Variants in MAGI2 observed in about 807,000 individuals in gnomAD.
MAGI2 encodes membrane-associated guanylate kinase, WW and PDZ domain-containing protein 2.
Under a neutral mutation model 133.3 loss-of-function variants are expected in MAGI2, and 35 were observed. That is an observed-to-expected ratio of 0.26 (90% confidence interval 0.20 to 0.35). The LOEUF (loss-of-function observed/expected upper bound fraction) is 0.35. Among genes scored for constraint, MAGI2 ranks in the 10% least tolerant of loss-of-function variants. MAGI2 has a pLI of 1.00. For missense variants in MAGI2, 1,636 were observed against 1,863.4 expected, an observed-to-expected ratio of 0.88 and a Z score of 2.25; for synonymous variants, 729 against 710.6, an observed-to-expected ratio of 1.03 and a Z score of -0.41.
At chr7:78,095,503 C>A (rs1465786537) in intron 20 of MAGI2, among the ~76,000 whole-genome samples, 2 of 152,190 alleles carry the variant, frequency 1.3e-5, no homozygotes, top group East Asian at 1.9e-4. Flanking sequence ...TTTCTCAGTT[C>A]TTTTCTGCGA....
At chr7:79,326,334 C>T (rs1430140235) in intron 1 of MAGI2, among the ~76,000 whole-genome samples, 6 of 152,026 alleles carry the variant, frequency 3.9e-5, no homozygotes, top group Admixed American at 6.6e-5. Context: ...ATAAACCTGG[C>T]TTAAGAAAAA....
intron 4 of MAGI2, among the ~76,000 whole-genome samples, chr7:78,502,851 A>C (rs1263235022): frequency 6.6e-6 from 1 of 152,208 alleles, no homozygotes; most frequent in Non-Finnish European, 1.5e-5. Context: ...GAAGGAACGC[A>C]CAAGGAAGAA....
At chr7:78,769,953 G>GA (rs1282236760) in intron 2 of MAGI2, among the ~76,000 whole-genome samples, 1 of 152,196 alleles carries the variant, frequency 6.6e-6, no homozygotes, top group East Asian at 1.9e-4. Context: ...AAGAGGAAGA[G>GA]AAAAAAGCAT....
rs147448658 is a variant in MAGI2 at position 78,244,327 on chromosome 7, T to C, written c.2047+11616A>G. Reference sequence around the variant, plus strand: ...AAAAGAGACAATTTGTAGGATAACATGCATTGTAAAAACTGAGCCCTGGCA... The same window carrying C: ...AAAAGAGACAATTTGTAGGATAACACGCATTGTAAAAACTGAGCCCTGGCA... On this transcript the variant is annotated intron_variant, in intron 10 of 21. Coordinates refer to ENST00000354212, the MANE Select transcript of MAGI2 (RefSeq NM_012301.4). 2.2e-3 allele frequency among the ~76,000 whole-genome samples: 341 copies of C among 152,096 alleles called. 1 individual carries two copies. Among genetic ancestry groups the C allele is most frequent in the African/African-American group, 7.7e-3 (321 of 41,524 alleles).
At chr7:78,198,183 C>A (rs1292312309) in intron 11 of MAGI2, among the ~76,000 whole-genome samples, 1 of 152,168 alleles carries the variant, frequency 6.6e-6, no homozygotes, top group African/African-American at 2.4e-5. Flanking sequence ...TTGGGCCCCT[C>A]TTGTCCAGTC....
At position 78,330,615 on chromosome 7, in the gene MAGI2, CAAAAAAAAAAAAAAAA is replaced by C. The variant is rs4024122; in HGVS notation, c.1408+13147_1408+13162del. 5.8e-4 allele frequency among the ~76,000 whole-genome samples: 4 copies of C among 6,940 alleles called. 1 individual carries two copies. The highest frequency in any genetic ancestry group is 7.7e-4 in the Non-Finnish European group (3 of 3,914). The allele number at this position is 6,940 out of a possible 152,430, so 4.6% of individuals were successfully genotyped here. On this transcript the variant is annotated intron_variant, in intron 9 of 21. Coordinates refer to ENST00000354212, the MANE Select transcript of MAGI2 (RefSeq NM_012301.4). ...CCTGGGCGACAGCGAGACTCCGTCT[CAAAAAAAAAAAAAAAA>C]AAAAAAAAAAAAAGAAAGATTCCTT...
intron 3 of MAGI2, among the ~76,000 whole-genome samples, chr7:78,525,334 C>T (rs1320726391): frequency 6.6e-6 from 1 of 152,012 alleles, no homozygotes; most frequent in Non-Finnish European, 1.5e-5. Flanking sequence ...TATCTCATTG[C>T]ATAAGAACCA....
chr7:78,649,134 G>A (rs1424925643), intron 2 of MAGI2, among the ~76,000 whole-genome samples: 1 of 146,100 alleles, frequency 6.8e-6, no homozygotes, highest in Non-Finnish European at 1.5e-5. Context: ...TTGGGTAGTG[G>A]CACTTTTTTA....
chr7:79,341,112 G>A (rs898852580), intron 1 of MAGI2, among the ~76,000 whole-genome samples: 5 of 152,126 alleles, frequency 3.3e-5, no homozygotes, highest in Admixed American at 2.0e-4. Flanking sequence ...AGGTAAATTT[G>A]AGCACATAGC....
chr7:78,367,100 A>AAC (rs6150177), intron 7 of MAGI2, among the ~76,000 whole-genome samples: 4,267 of 146,860 alleles, frequency 0.029, 140 homozygotes, highest in African/African-American at 0.08. Flanking sequence ...AATGTAGGCA[A>AAC]ACACACACAC....
intron 1 of MAGI2, among the ~76,000 whole-genome samples, chr7:79,035,874 A>T (rs961225890): frequency 6.6e-6 from 1 of 152,252 alleles, no homozygotes; most frequent in African/African-American, 2.4e-5. Context: ...TATACTTTTC[A>T]TTAATTTTGG....
intron 1 of MAGI2, among the ~76,000 whole-genome samples, chr7:79,323,523 T>C (rs115833973): frequency 0.013 from 1,970 of 151,956 alleles, 43 homozygotes; most frequent in African/African-American, 0.045. Flanking sequence ...AGACCAGTTG[T>C]GGATTGTGAG....
At chr7:78,045,266 G>T (rs548560871) in intron 21 of MAGI2, among the ~76,000 whole-genome samples, 1 of 142,408 alleles carries the variant, frequency 7.0e-6, no homozygotes, top group South Asian at 2.2e-4. Flanking sequence ...TATATAGGAG[G>T]ACAGCAACAG....
At chr7:78,769,866 A>AT (rs1257885407) in intron 2 of MAGI2, among the ~76,000 whole-genome samples, 5 of 152,142 alleles carry the variant, frequency 3.3e-5, no homozygotes, top group African/African-American at 1.2e-4. Flanking sequence ...ACTGCATCCT[A>AT]TTCAGAACTA....
intron 9 of MAGI2, among the ~76,000 whole-genome samples, chr7:78,300,959 T>C (rs2151072377): frequency 6.6e-6 from 1 of 152,320 alleles, no homozygotes; most frequent in Non-Finnish European, 1.5e-5. Flanking sequence ...AGTCTGGCAC[T>C]GTACTAAGCA....
chr7:78,610,937 T>A (rs562716329), intron 3 of MAGI2, among the ~76,000 whole-genome samples: 1 of 152,354 alleles, frequency 6.6e-6, no homozygotes, highest in South Asian at 2.1e-4. Flanking sequence ...ACAGACTATG[T>A]GTCAAAGAAG....
intron 2 of MAGI2, among the ~76,000 whole-genome samples, chr7:78,935,122 T>G (rs1423813372): frequency 2.0e-5 from 3 of 152,148 alleles, no homozygotes. Context: ...TTGGGTTGAA[T>G]TTTCTCCAGA....
intron 2 of MAGI2, among the ~76,000 whole-genome samples, chr7:78,685,673 T>C (rs995306181): frequency 1.3e-5 from 2 of 152,016 alleles, no homozygotes; most frequent in African/African-American, 2.4e-5. Context: ...TGTGTATATA[T>C]AGGTTAGCAC....
At chr7:78,452,058 T>C (rs948513507) in intron 6 of MAGI2, among the ~76,000 whole-genome samples, 3 of 152,132 alleles carry the variant, frequency 2.0e-5, no homozygotes, top group Admixed American at 1.3e-4. Context: ...TATAATGGTG[T>C]TGACTATGAT....
Sources: gnomAD v4.1 joint callset for allele counts (sites outside exome capture counted in the v4.1 genomes callset) on GRCh38, gnomAD v4.1.1 for gene constraint, MANE v1.5 for transcripts, NCBI Gene and HGNC (gene_info 2026-07-23, HGNC 2026-07-21) for gene names.